Variants in SMIM31 observed in about 807,000 individuals in gnomAD.
SMIM31 encodes small integral membrane protein 31.
chr4:164,757,433 T>C (rs908670672), intron 1 of SMIM31, among the ~76,000 whole-genome samples: 1 of 152,192 alleles, frequency 6.6e-6, no homozygotes, highest in African/African-American at 2.4e-5. Flanking sequence ...AAAAGTCTAA[T>C]TACAAATTTT....
At chr4:164,787,597 C>T (rs1217769013) in intron 2 of SMIM31, among the ~76,000 whole-genome samples, 1 of 145,846 alleles carries the variant, frequency 6.9e-6, no homozygotes, top group South Asian at 2.1e-4. Flanking sequence ...GCCCGCTGTT[C>T]TCCGTCTTCT....
At chr4:164,797,610 C>T (rs373923295) in intron 2 of SMIM31, among the ~76,000 whole-genome samples, 8 of 151,860 alleles carry the variant, frequency 5.3e-5, no homozygotes, top group South Asian at 4.2e-4. Flanking sequence ...ACTACAGGTG[C>T]GTGCCACCAT....
At chr4:164,783,587 A>AAATGTCTGCCAATACC (rs1732989208) in intron 2 of SMIM31, among the ~76,000 whole-genome samples, 1 of 111,686 alleles carries the variant, frequency 9.0e-6, no homozygotes, top group African/African-American at 5.8e-5. Context: ...ATGAAATTTC[A>AAATGTCTGCCAATACC]GAAAACAGTG....
At chr4:164,769,113 G>A (rs1732759581) in intron 1 of SMIM31, among the ~76,000 whole-genome samples, 1 of 151,934 alleles carries the variant, frequency 6.6e-6, no homozygotes, top group Admixed American at 6.6e-5. Flanking sequence ...CCATCAAATC[G>A]GCTCTGAGTT....
rs1732522222 is a variant in SMIM31 at position 164,754,244 on chromosome 4, A to G, written c.-193A>G. The G allele has an allele frequency of 1.3e-5, 2 of 152,196 alleles. No individual in the cohort carries two copies. Among genetic ancestry groups the G allele is most frequent in the Admixed American group, 1.3e-4 (2 of 15,278 alleles). 9.4% of individuals were successfully genotyped at this position (152,196 alleles called of 1,614,324 possible). A position where few individuals can be genotyped will look rare whatever the true frequency, so the allele number is the denominator to read the frequency against. ...AGACATTAGTAAGCCTTGGTTAGTGAAGTGGCATCAGGAAGTGCCTACATT... is the reference window on the plus strand; with the variant it reads ...AGACATTAGTAAGCCTTGGTTAGTGGAGTGGCATCAGGAAGTGCCTACATT... On this transcript the variant is annotated 5_prime_UTR_variant, in exon 1 of 3. Transcript: ENST00000507311.
intron 1 of SMIM31, among the ~76,000 whole-genome samples, chr4:164,768,582 C>T (rs10517822): frequency 0.022 from 3,347 of 152,136 alleles, 126 homozygotes; most frequent in African/African-American, 0.075. Context: ...ATATTCTAGG[C>T]GTAGGACAAA....
intron 2 of SMIM31, among the ~76,000 whole-genome samples, chr4:164,773,301 C>T (rs531524257): frequency 5.3e-5 from 8 of 152,180 alleles, no homozygotes; most frequent in Middle Eastern, 3.4e-3. Context: ...TTCTGCCTTT[C>T]GAAAAATCAT....
intron 2 of SMIM31, among the ~76,000 whole-genome samples, chr4:164,786,329 G>A (rs548283916): frequency 6.6e-6 from 1 of 152,070 alleles, no homozygotes; most frequent in African/African-American, 2.4e-5. Flanking sequence ...CCATTCAGGA[G>A]CTACCTGAAA....
intron 2 of SMIM31, among the ~76,000 whole-genome samples, chr4:164,790,099 G>C (rs1451627275): frequency 6.6e-6 from 1 of 152,132 alleles, no homozygotes; most frequent in African/African-American, 2.4e-5. Context: ...TGATTCCCTA[G>C]TTTTTAATAG....
chr4:164,798,360 A>C (rs1733236454), intron 2 of SMIM31, among the ~76,000 whole-genome samples: 2 of 151,444 alleles, frequency 1.3e-5, no homozygotes, highest in Admixed American at 1.3e-4. Context: ...CAGCCTCCTG[A>C]GTAGCTGGGA....
At position 164,792,063 on chromosome 4, in the gene SMIM31, C is replaced by T. The variant is rs548850548; in HGVS notation, c.113-9028C>T. Among the ~76,000 whole-genome samples the T allele has an allele frequency of 8.5e-5, 13 of 152,244 alleles. No individual in the cohort carries two copies. The South Asian group carries it at 1.0e-3, about 12-fold the overall frequency. Reference sequence around the variant, plus strand: ...TGAATTAGCTATTCATTAATCAGTGCGTCTCAAAACTTTAATGTGCATTTG... The same window carrying T: ...TGAATTAGCTATTCATTAATCAGTGTGTCTCAAAACTTTAATGTGCATTTG... On this transcript the variant is annotated intron_variant, in intron 2 of 2. Transcript: ENST00000507311.
chr4:164,772,575 T>G (rs1560826382), intron 2 of SMIM31, among the ~76,000 whole-genome samples: 1 of 74,896 alleles, frequency 1.3e-5, no homozygotes, highest in African/African-American at 3.8e-5. Context: ...ATTTTTTTTA[T>G]TTTTATTTTA....
chr4:164,761,221 A>C (rs192106776), intron 1 of SMIM31, among the ~76,000 whole-genome samples: 4 of 152,358 alleles, frequency 2.6e-5, no homozygotes, highest in Admixed American at 2.0e-4. Context: ...GCCATAGCAT[A>C]ACTTTATCAG....
chr4:164,791,525 G>C (rs1328352254), intron 2 of SMIM31, among the ~76,000 whole-genome samples: 2 of 151,952 alleles, frequency 1.3e-5, no homozygotes, highest in African/African-American at 4.8e-5. Flanking sequence ...GGTGGAGATG[G>C]GGTTTTCACT....
chr4:164,787,844 C>T (rs566437120), intron 2 of SMIM31, among the ~76,000 whole-genome samples: 62 of 152,166 alleles, frequency 4.1e-4, no homozygotes, highest in Non-Finnish European at 9.0e-4. Flanking sequence ...AGTCTTTGAA[C>T]ATAGCATCGC....
chr4:164,789,166 G>A (rs1040395469), intron 2 of SMIM31, among the ~76,000 whole-genome samples: 19 of 152,128 alleles, frequency 1.2e-4, no homozygotes, highest in African/African-American at 4.3e-4. Context: ...GAGTTTTTCA[G>A]CTTCAAGGCT....
chr4:164,785,245 TA>T (rs35220807), intron 2 of SMIM31, among the ~76,000 whole-genome samples: 92,440 of 150,844 alleles, frequency 0.61, 29,300 homozygotes, highest in African/African-American at 0.78. Context: ...AAATAAAAAA[TA>T]AAAAAAAAAT....
chr4:164,772,660 G>A (rs562114584), intron 2 of SMIM31, among the ~76,000 whole-genome samples: 1 of 150,412 alleles, frequency 6.6e-6, no homozygotes, highest in African/African-American at 2.4e-5. Flanking sequence ...CTCACTGCAA[G>A]CTCCGCCTCC....
At chr4:164,770,875 T>C (rs1167767536) in intron 2 of SMIM31, among the ~76,000 whole-genome samples, 1 of 152,138 alleles carries the variant, frequency 6.6e-6, no homozygotes, top group Non-Finnish European at 1.5e-5. Context: ...GTGTATAATT[T>C]AAAGGATTGT....
Sources: gnomAD v4.1 joint callset for allele counts (sites outside exome capture counted in the v4.1 genomes callset) on GRCh38, gnomAD v4.1.1 for gene constraint, MANE v1.5 for transcripts, NCBI Gene and HGNC (gene_info 2026-07-23, HGNC 2026-07-21) for gene names.